DUX4: variants seen among roughly 807,000 people sequenced by gnomAD.
DUX4 encodes the protein double homeobox 4, also known as double homeobox protein 4.
At chr4:190,181,407 T>TG (rs1312030678) in intron 1 of DUX4, among the ~76,000 whole-genome samples, 25 of 660 alleles carry the variant, frequency 0.038, 2 homozygotes, top group African/African-American at 0.06. Flanking sequence ...GGTTGATCAG[T>TG]AAGAGATATT....
downstream of DUX4, among the ~76,000 whole-genome samples, chr4:190,178,354 TC>T (rs1742419836): frequency 4.3e-4 from 65 of 149,902 alleles, no homozygotes; most frequent in African/African-American, 1.1e-3. Flanking sequence ...TGTCACAATG[TC>T]CCCTGTAGGC....
downstream of DUX4, among the ~76,000 whole-genome samples, chr4:190,176,349 G>C (rs1742304483): frequency 1.7e-5 from 2 of 115,408 alleles, 1 homozygote; most frequent in East Asian, 6.2e-4. Context: ...TGGGTGATCA[G>C]TGCAGAGATG....
downstream of DUX4, among the ~76,000 whole-genome samples, chr4:190,179,482 TG>T (rs1742496999): frequency 1.7e-5 from 2 of 118,904 alleles, no homozygotes; most frequent in African/African-American, 5.9e-5. Context: ...TTATATCACC[TG>T]GGTGATCAGT....
chr4:190,175,664 A>G lies in DUX4; in HGVS notation c.*254A>G. The G allele has an allele frequency of 6.1e-6, 1 of 164,738 alleles. No homozygotes were observed. The highest frequency in any genetic ancestry group is 9.2e-5 in the Admixed American group (1 of 10,862). 10.2% of individuals were successfully genotyped at this position (164,738 alleles called of 1,614,324 possible). A position where few individuals can be genotyped will look rare whatever the true frequency, so the allele number is the denominator to read the frequency against. The stretch of plus-strand genomic sequence containing the variant: ...CTGGCTAGACCTGCGCGCAGTGCGC[A>G]CCCCGGCTGACGTGCAAGGGAGCTC... On this transcript the variant is annotated 3_prime_UTR_variant, in exon 2 of 2. Coordinates refer to ENST00000565211, the MANE Select transcript of DUX4 (RefSeq NM_001306068.3).
At chr4:190,181,724 A>T (rs1579838018) in intron 1 of DUX4, among the ~76,000 whole-genome samples, 684 of 50,060 alleles carry the variant, frequency 0.014, no homozygotes, top group Middle Eastern at 0.026. Flanking sequence ...CCAACACAAG[A>T]GTTACATCAC....
downstream of DUX4, among the ~76,000 whole-genome samples, chr4:190,178,366 A>AAATCCT (rs1742421241): frequency 6.6e-6 from 1 of 151,220 alleles, no homozygotes; most frequent in Non-Finnish European, 1.5e-5. Flanking sequence ...CCCTGTAGGC[A>AAATCCT]AAGCCTAGGC....
downstream of DUX4, among the ~76,000 whole-genome samples, chr4:190,177,173 C>CACAGCTATGTCAAAACGCCCCTGT (rs1742347357): frequency 1.4e-5 from 1 of 69,572 alleles, no homozygotes; most frequent in African/African-American, 3.6e-5. Flanking sequence ...ATGATCTGTG[C>CACAGCTATGTCAAAACGCCCCTGT]AGAGCTATGT....
intron 1 of DUX4, chr4:190,182,058 G>A (rs1279738561): frequency 9.6e-6 from 1 of 104,528 alleles, no homozygotes; most frequent in African/African-American, 2.7e-5. Context: ...GCAGAGCCTA[G>A]ACAAGAGTTC....
intron 1 of DUX4, chr4:190,182,237 T>G (rs1742607573): frequency 7.8e-6 from 1 of 128,944 alleles, no homozygotes; most frequent in South Asian, 2.6e-4. Flanking sequence ...AGGGTGAGGG[T>G]TAGGGTTAGG....
downstream of DUX4, among the ~76,000 whole-genome samples, chr4:190,177,259 C>A (rs1369590159): frequency 2.6e-3 from 24 of 9,224 alleles, no homozygotes; most frequent in Non-Finnish European, 8.5e-3. Context: ...CGTCACAATA[C>A]CCCCTGTAGG....
At chr4:190,176,599 G>T (rs1301737713), downstream of DUX4, among the ~76,000 whole-genome samples, 12 of 82,966 alleles carry the variant, frequency 1.4e-4, 4 homozygotes, top group Admixed American at 1.3e-3. Flanking sequence ...ACGTAGACAA[G>T]AGTTCCCTCC....
At chr4:190,179,594 G>T (rs1579835730), downstream of DUX4, among the ~76,000 whole-genome samples, 8 of 152,104 alleles carry the variant, frequency 5.3e-5, no homozygotes, top group East Asian at 1.9e-4. Context: ...TGTAGCCAGA[G>T]CCTAGACAAA....
downstream of DUX4, among the ~76,000 whole-genome samples, chr4:190,178,221 T>A (rs2126572177): frequency 4.7e-4 from 71 of 150,984 alleles, no homozygotes; most frequent in East Asian, 1.8e-3. Flanking sequence ...CAATGCCCCC[T>A]GTAGGCAGAG....
At chr4:190,181,149 C>A (rs1742548234) in intron 1 of DUX4, among the ~76,000 whole-genome samples, 3 of 142,746 alleles carry the variant, frequency 2.1e-5, no homozygotes, top group Admixed American at 7.0e-5. Flanking sequence ...AGATCTGTCA[C>A]AATGCCCCTT....
chr4:190,178,365 C>CTG (rs1742420868), downstream of DUX4, among the ~76,000 whole-genome samples: 1 of 151,038 alleles, frequency 6.6e-6, no homozygotes, highest in Non-Finnish European at 1.5e-5. Context: ...CCCCTGTAGG[C>CTG]AAAGCCTAGG....
At chr4:190,180,083 T>TCC (rs1742530257), downstream of DUX4, among the ~76,000 whole-genome samples, 1 of 7,156 alleles carries the variant, frequency 1.4e-4, no homozygotes, top group African/African-American at 3.9e-4. Flanking sequence ...AAGACAAGAG[T>TCC]CAGTCACCTG....
At chr4:190,176,943 G>T (rs1452051485), downstream of DUX4, among the ~76,000 whole-genome samples, 1 of 107,018 alleles carries the variant, frequency 9.3e-6, no homozygotes, top group Non-Finnish European at 2.2e-5. Flanking sequence ...CTAGACAAGA[G>T]TTACTTCACC....
At chr4:190,181,399 T>TG (rs1742568500) in intron 1 of DUX4, among the ~76,000 whole-genome samples, 4 of 1,028 alleles carry the variant, frequency 3.9e-3, no homozygotes, top group African/African-American at 6.0e-3. Flanking sequence ...CATCATCTGG[T>TG]TGATCAGTAA....
At chr4:190,178,904 C>A (rs1742462080), downstream of DUX4, among the ~76,000 whole-genome samples, 122 of 134,130 alleles carry the variant, frequency 9.1e-4, no homozygotes, top group Non-Finnish European at 1.4e-3. Flanking sequence ...ACAATGCCCC[C>A]ATAGGCAGAT....
Sources: allele counts gnomAD v4.1 joint callset (sites outside exome capture counted in the v4.1 genomes callset), GRCh38; gene constraint gnomAD v4.1.1; transcripts MANE v1.5; gene names NCBI Gene and HGNC (gene_info 2026-07-23, HGNC 2026-07-21).